POP1: variants seen among roughly 807,000 people sequenced by gnomAD.
POP1 encodes POP1 ribonuclease P/MRP subunit, also known as ribonucleases P/MRP protein subunit POP1.
A neutral mutation model predicts 102.2 loss-of-function variants in POP1; 75 were observed. The ratio of observed to expected loss-of-function variants is 0.73; its 90% CI spans 0.61 to 0.89. The LOEUF (loss-of-function observed/expected upper bound fraction) is 0.89, where lower values mean the gene tolerates loss of function less well. POP1 is among the 40% of genes least tolerant of loss of function. POP1 has a pLI of 0.00. For synonymous variants in POP1, 436 were observed against 464.1 expected, an observed-to-expected ratio of 0.94 and a Z score of 0.78; for missense variants, 1,116 against 1,267.4, an observed-to-expected ratio of 0.88 and a Z score of 1.81.
intron 11 of POP1, among the ~76,000 whole-genome samples, chr8:98,143,422 A>G (rs1040217904): frequency 1.2e-4 from 19 of 152,052 alleles, no homozygotes; most frequent in African/African-American, 4.6e-4. Context: ...GATCCCATGA[A>G]CCTCCATCCC....
chr8:98,154,712 C>G (rs1358948843), intron 14 of POP1, among the ~76,000 whole-genome samples: 4 of 152,132 alleles, frequency 2.6e-5, no homozygotes, highest in Non-Finnish European at 5.9e-5. Context: ...TAATTGCAGC[C>G]TTGTTTGGAG....
intron 13 of POP1, among the ~76,000 whole-genome samples, chr8:98,149,772 TA>T: frequency 6.7e-6 from 1 of 149,452 alleles, no homozygotes; most frequent in South Asian, 2.1e-4. Flanking sequence ...AATAAATAAA[TA>T]AAATAAATAA....
chr8:98,133,944 TGC>T lies in POP1; in HGVS notation c.736-4_736-3del. The T allele has an allele frequency of 6.2e-7, 1 of 1,609,430 alleles. No homozygotes were observed. The highest frequency in any genetic ancestry group is 8.5e-7 in the Non-Finnish European group (1 of 1,175,764). ...GTACTTAATTGTGTCTCCCGCTTTG[TGC>T]AGGATTTATCCTATTACTGTTGTTT... On this transcript the variant is annotated splice_polypyrimidine_tract_variant and splice_region_variant and intron_variant, in intron 5 of 15. Coordinates refer to ENST00000401707, the MANE Select transcript of POP1 (RefSeq NM_001145860.2).
At chr8:98,134,690 C>A in intron 7 of POP1, 31 bp downstream of exon 7, 3 of 1,565,498 alleles carry the variant, frequency 1.9e-6, no homozygotes, top group Non-Finnish European at 2.6e-6. Context: ...TCCCGTCATT[C>A]TGAAACTGCA....
chr8:98,147,115 G>T (rs1394820820), intron 12 of POP1, among the ~76,000 whole-genome samples: 1 of 152,096 alleles, frequency 6.6e-6, no homozygotes, highest in Non-Finnish European at 1.5e-5. Context: ...CTATGACTGG[G>T]GACCTTCCAG....
At chr8:98,137,160 T>C (rs1485298928) in intron 9 of POP1, among the ~76,000 whole-genome samples, 1 of 152,222 alleles carries the variant, frequency 6.6e-6, no homozygotes, top group Non-Finnish European at 1.5e-5. Context: ...GTAAACTGAC[T>C]GTTCTTACTT....
intron 2 of POP1, among the ~76,000 whole-genome samples, chr8:98,124,836 C>G (rs974109193): frequency 6.6e-6 from 1 of 152,120 alleles, no homozygotes; most frequent in African/African-American, 2.4e-5. Flanking sequence ...ATTTTAGAAC[C>G]TTATGAAGTG....
At chr8:98,134,835 G>T (rs569227123) in intron 7 of POP1, among the ~76,000 whole-genome samples, 176 bp downstream of exon 7, 1 of 152,260 alleles carries the variant, frequency 6.6e-6, no homozygotes, top group African/African-American at 2.4e-5. Context: ...TTAAAAATTT[G>T]TATTTAAAAA....
chr8:98,117,321 C>T lies in POP1; in HGVS notation c.-72C>T, dbSNP rs574216162. The T allele has an allele frequency of 6.9e-6, 4 of 577,994 alleles. No individual in the cohort carries two copies. In the Admixed American group the frequency reaches 1.2e-4, roughly 18 times the overall value. 35.8% of individuals were successfully genotyped at this position (577,994 alleles called of 1,614,324 possible). A position where few individuals can be genotyped will look rare whatever the true frequency, so the allele number is the denominator to read the frequency against. Reference sequence around the variant, plus strand: ...CGCTCTCCAGCGCGCTCTCCAGGAGCTTTGGCTCGGTGGGTACTGTCGCGG... The same window carrying T: ...CGCTCTCCAGCGCGCTCTCCAGGAGTTTTGGCTCGGTGGGTACTGTCGCGG... On this transcript the variant is annotated 5_prime_UTR_variant, in exon 1 of 16. Coordinates refer to ENST00000401707, the MANE Select transcript of POP1 (RefSeq NM_001145860.2).
chr8:98,157,650 G>C lies in POP1; in HGVS notation c.2454G>C (p.Trp818Cys). Residue 818 changes from tryptophan (W) to cysteine (C), a missense_variant, in exon 16 of 16, where the codon TGG (tryptophan) becomes TGC (cysteine). By Grantham distance (215) the Trp-to-Cys change is radical. Coordinates refer to ENST00000401707, the MANE Select transcript of POP1 (RefSeq NM_001145860.2). Reference sequence around the variant, plus strand: ...AATTACTGAAGCAACTGTCAGCCTGGTGTGGGCCCAGTTCTGAGGATAGTC... The same window carrying C: ...AATTACTGAAGCAACTGTCAGCCTGCTGTGGGCCCAGTTCTGAGGATAGTC... Reference protein sequence around the residue: ...SRKLLKQLSAWCGPSSEDSRG... With the variant: ...SRKLLKQLSACCGPSSEDSRG... 5 of 1,614,202 alleles carry C rather than the reference G, an allele frequency of 3.1e-6. No individual in the cohort carries two copies. Among genetic ancestry groups the C allele is most frequent in the Non-Finnish European group, 4.2e-6 (5 of 1,180,030 alleles).
At chr8:98,157,520 A>T in intron 15 of POP1, 97 bp from the exon 16 acceptor site, 5 of 1,384,952 alleles carry the variant, frequency 3.6e-6, no homozygotes, top group Non-Finnish European at 5.1e-6. Flanking sequence ...ATATAGTATA[A>T]AAGAATCAAA....
chr8:98,121,455 C>T (rs540894175), intron 1 of POP1, among the ~76,000 whole-genome samples: 10 of 150,002 alleles, frequency 6.7e-5, no homozygotes, highest in African/African-American at 2.2e-4. Flanking sequence ...CTGCTATGTG[C>T]AGAAAAGCCC....
intron 1 of POP1, among the ~76,000 whole-genome samples, chr8:98,119,356 T>C (rs1380862125): frequency 6.6e-6 from 1 of 152,176 alleles, no homozygotes; most frequent in African/African-American, 2.4e-5. Context: ...TGGAAGAAAA[T>C]AGACATCATC....
rs1034690195 is a variant in POP1 at position 98,159,444 on chromosome 8, A to G, written c.*1173A>G. 5 of 152,192 alleles carry G rather than the reference A, an allele frequency of 3.3e-5. No homozygotes were observed. Among genetic ancestry groups the G allele is most frequent in the Non-Finnish European group, 7.3e-5 (5 of 68,040 alleles). The allele number at this position is 152,192 out of a possible 1,614,324, so 9.4% of individuals were successfully genotyped here. ...GGCTCAGTGTGGCTTTTTTCCAACT[A>G]TGGAGAAACTCAGTGCTCATCTACT... On this transcript the variant is annotated 3_prime_UTR_variant, in exon 16 of 16. Coordinates refer to ENST00000401707, the MANE Select transcript of POP1 (RefSeq NM_001145860.2).
At chr8:98,153,831 C>T (rs113838695) in intron 14 of POP1, among the ~76,000 whole-genome samples, 11 of 152,214 alleles carry the variant, frequency 7.2e-5, no homozygotes, top group African/African-American at 1.7e-4. Flanking sequence ...TCACCGTGCC[C>T]GGCCCTGGCT....
intron 9 of POP1, among the ~76,000 whole-genome samples, chr8:98,138,374 T>C (rs936518957): frequency 3.3e-5 from 5 of 152,232 alleles, no homozygotes; most frequent in South Asian, 4.1e-4. Context: ...ATGTCAGTTC[T>C]TGTCTCCCTT....
intron 2 of POP1, among the ~76,000 whole-genome samples, chr8:98,125,827 A>T (rs188515813): frequency 9.9e-4 from 150 of 152,190 alleles, no homozygotes; most frequent in South Asian, 2.1e-3. Context: ...GACATGAGCT[A>T]CTGTGCCTGG....
intron 5 of POP1, among the ~76,000 whole-genome samples, chr8:98,131,057 C>T (rs1816365779): frequency 6.6e-6 from 1 of 152,184 alleles, no homozygotes; most frequent in South Asian, 2.1e-4. Context: ...CTTTGATACC[C>T]CTTGAGAGTA....
intron 2 of POP1, among the ~76,000 whole-genome samples, chr8:98,123,748 G>T (rs1816108141): frequency 6.7e-6 from 1 of 149,324 alleles, no homozygotes; most frequent in Non-Finnish European, 1.5e-5. Flanking sequence ...CTGCACTCCA[G>T]CCTGAAGACA....
Sources: allele counts gnomAD v4.1 joint callset (sites outside exome capture counted in the v4.1 genomes callset), GRCh38; gene constraint gnomAD v4.1.1; transcripts MANE v1.5; gene names NCBI Gene and HGNC (gene_info 2026-07-23, HGNC 2026-07-21).